Variants in SLC6A19 observed in about 807,000 individuals in gnomAD.
SLC6A19 encodes sodium-dependent neutral amino acid transporter B(0)AT1.
Under a neutral mutation model 68.3 loss-of-function variants are expected in SLC6A19, and 67 were observed. That is an observed-to-expected ratio of 0.98 (90% CI 0.81 to 1.20). The LOEUF is 1.20. Among genes scored for constraint, SLC6A19 ranks in the 50% most tolerant of loss-of-function variants. SLC6A19 has a pLI of 0.00. For synonymous variants in SLC6A19, 392 were observed against 374.9 expected (o/e 1.05, Z -0.53); for missense variants, 813 against 851.6 (o/e 0.95, Z 0.56).
intron 8 of SLC6A19, among the ~76,000 whole-genome samples, chr5:1,217,908 C>T (rs1335621269): frequency 2.0e-5 from 3 of 152,200 alleles, no homozygotes; most frequent in East Asian, 1.9e-4. Context: ...TTTCTAGAAA[C>T]GCCACAGAAA....
intron 2 of SLC6A19, 79 bp downstream of exon 2, chr5:1,208,965 G>T (rs575201026): frequency 2.0e-6 from 3 of 1,517,868 alleles, no homozygotes; most frequent in Admixed American, 4.1e-5. Context: ...CCCAGGGTTC[G>T]CCTTGCCGGC....
At chr5:1,206,536 G>A (rs1745857105) in intron 1 of SLC6A19, among the ~76,000 whole-genome samples, 1 of 152,318 alleles carries the variant, frequency 6.6e-6, no homozygotes, top group Middle Eastern at 3.4e-3. Flanking sequence ...GGGTCGGGAA[G>A]GGAGGCGATG....
At chr5:1,221,495 G>C (rs1746381039) in intron 11 of SLC6A19, among the ~76,000 whole-genome samples, 182 bp downstream of exon 11, 1 of 152,104 alleles carries the variant, frequency 6.6e-6, no homozygotes, top group Non-Finnish European at 1.5e-5. Context: ...CCCCCTCCCT[G>C]ACACCAATGT....
chr5:1,224,516 G>A lies in SLC6A19; in HGVS notation c.*2612G>A, dbSNP rs1201340068. The A allele has an allele frequency of 1.3e-5, 2 of 152,406 alleles. No homozygotes were observed. The highest frequency in any genetic ancestry group is 4.8e-5 in the African/African-American group (2 of 41,472). 9.4% of individuals were successfully genotyped at this position (152,406 alleles called of 1,614,324 possible). On this transcript the variant is annotated 3_prime_UTR_variant, in exon 12 of 12. Transcript: ENST00000304460. ...TGGCTTTGGGGGCTTGCTCCGAAGA[G>A]GCCATGGCCCAGGCCTGTGGCCTCA...
intron 7 of SLC6A19, 24 bp from the exon 8 acceptor site, chr5:1,216,765 C>T (rs374366704): frequency 2.9e-5 from 47 of 1,613,584 alleles, no homozygotes; most frequent in Admixed American, 2.8e-4. Flanking sequence ...CCCAGGTGGC[C>T]GTCAGCCTCA....
intron 1 of SLC6A19, among the ~76,000 whole-genome samples, chr5:1,205,515 A>G (rs991699121): frequency 1.3e-5 from 2 of 152,170 alleles, no homozygotes; most frequent in Non-Finnish European, 2.9e-5. Context: ...TCCTGCCCGG[A>G]GGAACCTTCA....
chr5:1,216,727 C>T, intron 7 of SLC6A19, 41 bp downstream of exon 7: 1 of 1,613,724 alleles, frequency 6.2e-7, no homozygotes, highest in Non-Finnish European at 8.5e-7. Context: ...TGGGCTGCGC[C>T]TCCAGGAAGC....
intron 10 of SLC6A19, among the ~76,000 whole-genome samples, chr5:1,220,883 C>T (rs191984486): frequency 4.9e-4 from 75 of 152,278 alleles, no homozygotes; most frequent in African/African-American, 1.7e-3. Flanking sequence ...CCACCTCAGA[C>T]GTGGGTGAGG....
Position 1,221,138 on chromosome 5 carries a change from C to T in SLC6A19, c.1539-13C>T. ...CTGGTAGCAGCAGTGACAGCTGTCT[C>T]TGGCCTTGGCAGGTTCAATAAGGAC... On this transcript the variant is annotated splice_polypyrimidine_tract_variant and intron_variant, in intron 10 of 11. Coordinates refer to ENST00000304460, the MANE Select transcript of SLC6A19 (RefSeq NM_001003841.3). The T allele has an allele frequency of 6.2e-7, 1 of 1,612,616 alleles. No homozygotes were observed. Among genetic ancestry groups the T allele is most frequent in the Non-Finnish European group, 8.5e-7 (1 of 1,179,412 alleles).
chr5:1,213,625 C>T (rs1579513959), intron 5 of SLC6A19, 52 bp downstream of exon 5: 6 of 1,522,776 alleles, frequency 3.9e-6, no homozygotes, highest in East Asian at 4.6e-5. Flanking sequence ...GCCTGGCTGC[C>T]CTGTGCCCCC....
intron 2 of SLC6A19, 56 bp downstream of exon 2, chr5:1,208,942 C>A (rs571058594): frequency 6.4e-7 from 1 of 1,567,076 alleles, no homozygotes; most frequent in African/African-American, 1.4e-5. Flanking sequence ...GCTGGGAAGC[C>A]GTTCCACCCG....
rs772229902 is a variant in SLC6A19, at chr5:1,221,734, C to T, written c.1735C>T (p.Pro579Ser). 1 of 1,614,048 alleles carries T rather than the reference C, an allele frequency of 6.2e-7. No individual in the cohort carries two copies. The highest frequency in any genetic ancestry group is 1.1e-5 in the South Asian group (1 of 91,082). The change falls in exon 12 of 12, where the codon CCG becomes TCG. Residue 579 changes from proline (P) to serine (S), a missense_variant. Coordinates refer to ENST00000304460, the MANE Select transcript of SLC6A19 (RefSeq NM_001003841.3). ...EFPKSQKISY[P>S]NWVYVVVVIV... ...TCCCAAATCCCAGAAGATCTCCTAC[C>T]CGAACTGGGTGTATGTGGTGGTGGT... is the stretch of plus-strand genomic sequence containing the variant.
In SLC6A19 at chr5:1,219,072, T is replaced by G; in HGVS notation, c.1343T>G (p.Val448Gly). 1 of 1,613,826 alleles carries G rather than the reference T, an allele frequency of 6.2e-7. No homozygotes were observed. Among genetic ancestry groups the G allele is most frequent in the Non-Finnish European group, 8.5e-7 (1 of 1,179,932 alleles). ...GTTGTGCCCCTGCAGGACCTCAGAG[T>G]CATCCCCCCGAAGTGGCCCAAGGAG... Reference protein sequence around the residue: ...GVVVPLQDLRVIPPKWPKEVL... With the variant: ...GVVVPLQDLRGIPPKWPKEVL... Residue 448 changes from valine (V) to glycine (G), a missense_variant, in exon 9 of 12, where the codon GTC (valine) becomes GGC (glycine). Physicochemically the swap from Val to Gly is moderately radical, Grantham distance 109. Coordinates refer to ENST00000304460, the MANE Select transcript of SLC6A19 (RefSeq NM_001003841.3).
intron 3 of SLC6A19, among the ~76,000 whole-genome samples, chr5:1,211,470 G>A (rs1244954474): frequency 1.3e-5 from 2 of 152,260 alleles, no homozygotes. Flanking sequence ...AGAGGGAGCA[G>A]CGTGAGGCCC....
In SLC6A19 at chr5:1,222,741, C is replaced by T. The variant is rs1240328355; in HGVS notation, c.*837C>T. On this transcript the variant is annotated 3_prime_UTR_variant, in exon 12 of 12. Coordinates refer to ENST00000304460, the MANE Select transcript of SLC6A19 (RefSeq NM_001003841.3). ...CGTGTGGATATGTGTGCGTACACGT[C>T]GCTGGGACACATGCCTGCCACTCGG... is the stretch of plus-strand genomic sequence containing the variant. The T allele has an allele frequency of 6.4e-6, 1 of 155,504 alleles. No homozygotes were observed. Among genetic ancestry groups the T allele is most frequent in the Non-Finnish European group, 1.4e-5 (1 of 70,384 alleles). The allele number at this position is 155,504 out of a possible 1,614,324, so 9.6% of individuals were successfully genotyped here. A position where few individuals can be genotyped will look rare whatever the true frequency, so the allele number is the denominator to read the frequency against.
At chr5:1,217,960 G>C (rs901659373) in intron 8 of SLC6A19, among the ~76,000 whole-genome samples, 1 of 152,018 alleles carries the variant, frequency 6.6e-6, no homozygotes, top group African/African-American at 2.4e-5. Context: ...GGCTGCCCTC[G>C]GCAGTGCCAT....
rs1561167157 is a variant in SLC6A19, at chr5:1,215,870, TC to T, written c.888-684del. ...CACCAGCGTGCAGGAAGCTCCAGTTTCCCCGTATCCTCACCAACACTTGTTA... is the reference window on the plus strand; with the variant it reads ...CACCAGCGTGCAGGAAGCTCCAGTTTCCCGTATCCTCACCAACACTTGTTA... On this transcript the variant is annotated intron_variant, in intron 6 of 11. Coordinates refer to ENST00000304460, the MANE Select transcript of SLC6A19 (RefSeq NM_001003841.3). This position sits in a 1 kb window ranked among gnomAD's most constrained non-coding sequence, Gnocchi z 5.1. Among the ~76,000 whole-genome samples the T allele has an allele frequency of 6.6e-6, 1 of 152,204 alleles. No homozygotes were observed. Among genetic ancestry groups the T allele is most frequent in the Non-Finnish European group, 1.5e-5 (1 of 68,040 alleles).
At position 1,221,993 on chromosome 5, in the gene SLC6A19, A is replaced by G; in HGVS notation, c.*89A>G. The G allele has an allele frequency of 2.1e-6, 3 of 1,419,944 alleles. No homozygotes were observed. The highest frequency in any genetic ancestry group is 2.9e-6 in the Non-Finnish European group (3 of 1,026,940). 88.0% of individuals were successfully genotyped at this position (1,419,944 alleles called of 1,614,324 possible). On this transcript the variant is annotated 3_prime_UTR_variant, in exon 12 of 12. Transcript: ENST00000304460. ...GGGGTGGGGGCCGGGCTGCACCTGC[A>G]TGTGTGTAAGCGTGAGTGTATGCTC...
At chr5:1,219,729 G>A in intron 10 of SLC6A19, 65 bp downstream of exon 10, 1 of 1,595,806 alleles carries the variant, frequency 6.3e-7, no homozygotes, top group South Asian at 1.1e-5. Context: ...GCGTTCCTGT[G>A]AGGGAGGACC....
Sources: gnomAD v4.1 joint callset for allele counts (sites outside exome capture counted in the v4.1 genomes callset) on GRCh38, gnomAD v4.1.1 for gene constraint, Gnocchi (gnomAD v3.1) non-coding constraint, MANE v1.5 for transcripts, NCBI Gene and HGNC (gene_info 2026-07-23, HGNC 2026-07-21) for gene names.